AOPEP: variants seen among roughly 807,000 people sequenced by gnomAD.
AOPEP encodes the protein aminopeptidase O.
In AOPEP, 77 loss-of-function variants were observed where a neutral mutation model predicts 98.1. The observed-to-expected ratio is 0.78, with a 90% CI of 0.65 to 0.95. The LOEUF is 0.95. Among genes scored for constraint, AOPEP ranks in the 40% least tolerant of loss-of-function variants. The pLI is 0.00. For synonymous variants in AOPEP, 346 were observed against 365.3 expected (o/e 0.95, Z 0.60); for missense variants, 1,024 against 1,024.7 (o/e 1.00, Z 0.01).
At chr9:95,003,087 AG>A (rs2061667737) in intron 11 of AOPEP, among the ~76,000 whole-genome samples, 1 of 152,024 alleles carries the variant, frequency 6.6e-6, no homozygotes, top group Non-Finnish European at 1.5e-5. Flanking sequence ...CAGGGTTTCC[AG>A]GTCTCAGTTT....
At chr9:95,010,616 T>C (rs1453407121) in intron 13 of AOPEP, among the ~76,000 whole-genome samples, 1 of 152,232 alleles carries the variant, frequency 6.6e-6, no homozygotes, top group East Asian at 1.9e-4. Context: ...TAGTCTACAT[T>C]TATATAGCCG....
At chr9:94,944,688 C>T (rs900107189) in intron 7 of AOPEP, among the ~76,000 whole-genome samples, 1 of 152,112 alleles carries the variant, frequency 6.6e-6, no homozygotes, top group Non-Finnish European at 1.5e-5. Flanking sequence ...CCTTGATCTC[C>T]CAAAGTAAGA....
chr9:94,938,075 G>A (rs2056544790), intron 7 of AOPEP, among the ~76,000 whole-genome samples: 1 of 152,162 alleles, frequency 6.6e-6, no homozygotes, highest in African/African-American at 2.4e-5. Flanking sequence ...GGATTTCACT[G>A]TGTTAGCCAG....
intron 5 of AOPEP, among the ~76,000 whole-genome samples, chr9:94,899,098 T>G (rs1287830813): frequency 6.6e-6 from 1 of 151,750 alleles, no homozygotes; most frequent in Non-Finnish European, 1.5e-5. Context: ...TAATACCTTT[T>G]TAACACTGGT....
chr9:95,070,706 C>T (rs1475691453), intron 14 of AOPEP, among the ~76,000 whole-genome samples: 1 of 152,238 alleles, frequency 6.6e-6, no homozygotes, highest in Non-Finnish European at 1.5e-5. Context: ...ATCAGACTAG[C>T]GGAGAAGGAC....
At chr9:95,107,454 T>G in the AOPEP span, 11 of 662,078 alleles carry the variant, frequency 1.7e-5, no homozygotes, top group Non-Finnish European at 2.9e-5. Flanking sequence ...GGAATGGAAA[T>G]TTCTTGACTT....
chr9:95,076,902 A>G (rs2069132741), intron 14 of AOPEP, among the ~76,000 whole-genome samples: 1 of 152,234 alleles, frequency 6.6e-6, no homozygotes, highest in Non-Finnish European at 1.5e-5. Flanking sequence ...TTTTTCTCCC[A>G]TCCCTATCCC....
chr9:94,888,504 C>T (rs962298092), intron 5 of AOPEP, among the ~76,000 whole-genome samples: 6 of 152,280 alleles, frequency 3.9e-5, no homozygotes, highest in African/African-American at 1.2e-4. Context: ...ATTCAGATTT[C>T]AGCAGTTATG....
chr9:95,039,025 G>T (rs2133526932), intron 13 of AOPEP, among the ~76,000 whole-genome samples: 1 of 152,280 alleles, frequency 6.6e-6, no homozygotes, highest in South Asian at 2.1e-4. Context: ...ATGTGCCAAA[G>T]TGACCAGCTC....
intron 5 of AOPEP, among the ~76,000 whole-genome samples, chr9:94,875,311 T>G (rs545757604): frequency 5.9e-5 from 6 of 102,280 alleles, no homozygotes; most frequent in Admixed American, 3.2e-4. Flanking sequence ...AATAAAAACT[T>G]AGACAAATTA....
intron 5 of AOPEP, among the ~76,000 whole-genome samples, chr9:94,842,818 T>C (rs1004368900): frequency 2.0e-5 from 3 of 152,146 alleles, no homozygotes; most frequent in Admixed American, 2.0e-4. Context: ...AATAAAAACA[T>C]TATGTTTTTT....
intron 5 of AOPEP, among the ~76,000 whole-genome samples, chr9:94,859,011 G>T (rs1588579428): frequency 1.0e-5 from 1 of 96,992 alleles, no homozygotes; most frequent in African/African-American, 4.1e-5. Flanking sequence ...CTGGGCGACA[G>T]AGCGAGACTC....
chr9:95,115,827 G>A, the AOPEP span, among the ~76,000 whole-genome samples: 3 of 152,006 alleles, frequency 2.0e-5, no homozygotes, highest in Admixed American at 6.6e-5. Context: ...TGTTTATTTC[G>A]CATTTCCTCC....
chr9:95,106,934 C>T, the AOPEP span: 2 of 890,370 alleles, frequency 2.2e-6, no homozygotes, highest in Non-Finnish European at 3.6e-6. Context: ...TGTCAACCTC[C>T]TTGACCATTT....
rs777400316 is a variant in AOPEP, at chr9:94,792,845, A to G, written c.1045A>G (p.Met349Val). 5.0e-6 allele frequency: 8 copies of G among 1,613,974 alleles called. No individual in the cohort carries two copies. In the South Asian group the frequency reaches 7.7e-5, roughly 16 times the overall value. The change falls in exon 4 of 17, where the codon ATG becomes GTG. Residue 349 changes from methionine to valine, a missense_variant. Physicochemically the swap from Met to Val is conservative, Grantham distance 21. Around this residue, in one of 3 missense-constraint regions of AOPEP, gnomAD observed 440 missense variants for 433.8 expected, o/e 1.01. Coordinates refer to ENST00000375315, the MANE Select transcript of AOPEP (RefSeq NM_001193329.3). ...FTIAVGCWTE[M>V]KMETWSSNDL... Reference sequence around the variant, plus strand: ...AATTGCAGTGGGATGCTGGACAGAAATGAAGATGGAGACATGGTCATCAAA... The same window carrying G: ...AATTGCAGTGGGATGCTGGACAGAAGTGAAGATGGAGACATGGTCATCAAA...
At chr9:94,922,211 G>A (rs2053722672) in intron 5 of AOPEP, among the ~76,000 whole-genome samples, 1 of 152,182 alleles carries the variant, frequency 6.6e-6, no homozygotes, top group Admixed American at 6.5e-5. Context: ...TTCCACACTG[G>A]GACAGAAGAG....
chr9:94,849,784 C>T (rs957430714), intron 5 of AOPEP, among the ~76,000 whole-genome samples: 1 of 152,126 alleles, frequency 6.6e-6, no homozygotes, highest in East Asian at 1.9e-4. Flanking sequence ...CTTGTAATCC[C>T]AGCACTTTGG....
chr9:94,784,303 G>A (rs1843922075), intron 3 of AOPEP, among the ~76,000 whole-genome samples: 1 of 152,162 alleles, frequency 6.6e-6, no homozygotes, highest in Non-Finnish European at 1.5e-5. Context: ...ACTATTGGTA[G>A]GCATGACTGA....
intron 13 of AOPEP, among the ~76,000 whole-genome samples, chr9:95,022,596 C>T (rs1740225381): frequency 6.6e-6 from 1 of 151,974 alleles, no homozygotes; most frequent in Admixed American, 6.5e-5. Context: ...GCCTTGGCCT[C>T]CCAAAGTGCT....
Sources: allele counts gnomAD v4.1 joint callset (sites outside exome capture counted in the v4.1 genomes callset), GRCh38; gene constraint gnomAD v4.1.1; regional missense constraint gnomAD v4.1.1; transcripts MANE v1.5; gene names NCBI Gene and HGNC (gene_info 2026-07-23, HGNC 2026-07-21).